CNTN6: variants seen among roughly 807,000 people sequenced by gnomAD.
CNTN6 encodes contactin-6.
Under a neutral mutation model 122.8 loss-of-function variants are expected in CNTN6, and 137 were observed. The observed-to-expected ratio is 1.12, with a 90% CI of 0.97 to 1.29. The LOEUF (loss-of-function observed/expected upper bound fraction) is 1.29. CNTN6 is among the 50% of genes most tolerant of loss of function. CNTN6 has a pLI of 0.00. For missense variants in CNTN6, 1,634 were observed against 1,223.4 expected (o/e 1.34, Z -5.01); for synonymous variants, 570 against 426.0 (o/e 1.34, Z -4.16).
intron 2 of CNTN6, among the ~76,000 whole-genome samples, chr3:1,207,778 T>G (rs922775063): frequency 6.6e-6 from 1 of 152,142 alleles, no homozygotes; most frequent in African/African-American, 2.4e-5. Context: ...CACAAATAAA[T>G]GATTGTTCAG....
intron 12 of CNTN6, among the ~76,000 whole-genome samples, chr3:1,364,410 T>C (rs17038237): frequency 0.035 from 5,311 of 152,000 alleles, 133 homozygotes; most frequent in South Asian, 0.056. Context: ...TCTTACACTT[T>C]TGTCTATCCT....
intron 2 of CNTN6, among the ~76,000 whole-genome samples, chr3:1,183,186 ATAG>A (rs772119626): frequency 3.4e-4 from 51 of 152,166 alleles, no homozygotes; most frequent in Non-Finnish European, 6.9e-4. Context: ...TTTCAAAGAA[ATAG>A]TATTCATTCT....
At chr3:1,295,506 T>G in intron 5 of CNTN6, 95 bp from the exon 6 acceptor site, 1 of 1,006,064 alleles carries the variant, frequency 9.9e-7, no homozygotes, top group Non-Finnish European at 1.5e-6. Context: ...TTTCTCCTAA[T>G]TATGGGGAAG....
chr3:1,314,284 G>A (rs1699796547), intron 7 of CNTN6, among the ~76,000 whole-genome samples: 1 of 152,012 alleles, frequency 6.6e-6, no homozygotes, highest in African/African-American at 2.4e-5. Context: ...TGTAGCAAAG[G>A]CATTCTTTGC....
At chr3:1,218,834 C>A (rs942637860) in intron 2 of CNTN6, among the ~76,000 whole-genome samples, 1 of 152,162 alleles carries the variant, frequency 6.6e-6, no homozygotes, top group Admixed American at 6.5e-5. Flanking sequence ...ATACCAATCT[C>A]TAATAAAGGA....
chr3:1,118,162 G>A (rs1429938702), intron 1 of CNTN6, among the ~76,000 whole-genome samples: 1 of 152,112 alleles, frequency 6.6e-6, no homozygotes, highest in Non-Finnish European at 1.5e-5. Flanking sequence ...AGCATACGAG[G>A]AAAGTTCATT....
chr3:1,193,289 C>T (rs1196366925), intron 2 of CNTN6, among the ~76,000 whole-genome samples: 2 of 152,088 alleles, frequency 1.3e-5, no homozygotes, highest in Non-Finnish European at 1.5e-5. Flanking sequence ...CCTCAGCTAA[C>T]CAGCATTAAG....
chr3:1,271,998 G>T (rs2095035284), intron 4 of CNTN6, among the ~76,000 whole-genome samples: 1 of 152,086 alleles, frequency 6.6e-6, no homozygotes, highest in South Asian at 2.1e-4. Context: ...ATTGAATCAT[G>T]GGGGCAGGTT....
Position 1,249,197 on chromosome 3 carries a change from C to T in CNTN6, c.358+21204C>T, listed in dbSNP as rs537228010. 2.6e-5 allele frequency among the ~76,000 whole-genome samples: 4 copies of T among 152,032 alleles called. No individual in the cohort carries two copies. The South Asian group carries it at 8.3e-4, about 32-fold the overall frequency. On this transcript the variant is annotated intron_variant, in intron 4 of 22. Transcript: ENST00000446702. ...ACACAAGGTGATAGAAGGAATAGCT[C>T]TATTATGATGTAAAGAAATCTTAGG...
intron 4 of CNTN6, among the ~76,000 whole-genome samples, chr3:1,244,151 A>T (rs1043589639): frequency 1.3e-5 from 2 of 152,116 alleles, no homozygotes; most frequent in African/African-American, 4.8e-5. Flanking sequence ...AGAAGAAAAT[A>T]AGGTGTTTAG....
intron 2 of CNTN6, among the ~76,000 whole-genome samples, chr3:1,212,450 T>TATGTGTGTGTATATATATACACATAC (rs1199850671): frequency 2.8e-4 from 43 of 151,460 alleles, no homozygotes; most frequent in African/African-American, 6.5e-4. Context: ...ATAGTTTTTA[T>TATGTGTGTGTATATATATACACATAC]ATGTGTGTGT....
rs1391841202 is a variant in CNTN6 at position 1,325,716 on chromosome 3, T to A, written c.947-99T>A. 8 of 1,288,174 alleles carry A rather than the reference T, an allele frequency of 6.2e-6. No individual in the cohort carries two copies. In the East Asian group the frequency reaches 1.7e-4, roughly 27 times the overall value. The allele number at this position is 1,288,174 out of a possible 1,614,324, so 79.8% of individuals were successfully genotyped here. ...GTGTGTGCAATCCAACTGGACCCAG[T>A]TAGCCTTGTCCTTCTGATCTCTACA... On this transcript the variant is annotated intron_variant, in intron 8 of 22. Transcript: ENST00000446702.
In CNTN6 at chr3:1,365,781, A is replaced by G. The variant is rs148624828; in HGVS notation, c.1493-6518A>G. ...GAGCTTTTAATATGTTAAAATGTTT[A>G]AGAAATGATAAAAGTGGAGATAATA... On this transcript the variant is annotated intron_variant, in intron 12 of 22. Coordinates refer to ENST00000446702, the MANE Select transcript of CNTN6 (RefSeq NM_001289080.2). Among the ~76,000 whole-genome samples the G allele has an allele frequency of 1.9e-3, 285 of 152,290 alleles. 1 individual carries two copies. The highest frequency in any genetic ancestry group is 6.5e-3 in the African/African-American group (269 of 41,592).
At chr3:1,172,833 T>C (rs1020187812) in intron 2 of CNTN6, among the ~76,000 whole-genome samples, 1 of 152,160 alleles carries the variant, frequency 6.6e-6, no homozygotes, top group Non-Finnish European at 1.5e-5. Flanking sequence ...AGGCAAGCTG[T>C]CTCTTTTTGA....
At chr3:1,104,323 A>T (rs1405421415) in intron 1 of CNTN6, among the ~76,000 whole-genome samples, 1 of 152,148 alleles carries the variant, frequency 6.6e-6, no homozygotes, top group Non-Finnish European at 1.5e-5. Flanking sequence ...ACATATATTT[A>T]CTAAGAATAA....
intron 11 of CNTN6, among the ~76,000 whole-genome samples, chr3:1,351,798 A>G (rs1258601293): frequency 1.3e-5 from 2 of 151,884 alleles, no homozygotes; most frequent in Admixed American, 6.6e-5. Context: ...CCCTCTGGCC[A>G]TGGAACCATA....
intron 11 of CNTN6, among the ~76,000 whole-genome samples, chr3:1,351,097 G>T (rs1276027800): frequency 2.0e-5 from 3 of 151,674 alleles, no homozygotes; most frequent in African/African-American, 4.8e-5. Context: ...ATTCAGATGT[G>T]GCTCCTTCCA....
intron 4 of CNTN6, among the ~76,000 whole-genome samples, chr3:1,268,551 G>T (rs1447302131): frequency 5.6e-5 from 8 of 143,872 alleles, no homozygotes; most frequent in African/African-American, 2.1e-4. Context: ...AGCTTGCAGT[G>T]AGCCGAGATT....
intron 19 of CNTN6, among the ~76,000 whole-genome samples, chr3:1,383,819 GGTGA>G (rs1209347351): frequency 1.3e-5 from 2 of 152,154 alleles, no homozygotes; most frequent in Admixed American, 6.5e-5. Context: ...CAAATTAATG[GGTGA>G]GTTAGTTATT....
Sources: gnomAD v4.1 joint callset for allele counts (sites outside exome capture counted in the v4.1 genomes callset) on GRCh38, gnomAD v4.1.1 for gene constraint, MANE v1.5 for transcripts, NCBI Gene and HGNC (gene_info 2026-07-23, HGNC 2026-07-21) for gene names.